FXN: variants seen among roughly 807,000 people sequenced by gnomAD.
FXN encodes the protein frataxin, also known as frataxin, mitochondrial.
A neutral mutation model predicts 22.4 loss-of-function variants in FXN; 14 were observed. The observed-to-expected ratio is 0.62, with a 90% CI of 0.41 to 0.98. The LOEUF is 0.98. Ranked by LOEUF, FXN falls within the 50% of genes least tolerant of loss-of-function variation. The pLI is 0.00. For synonymous variants in FXN, 120 were observed against 114.1 expected, an observed-to-expected ratio of 1.05 and a Z score of -0.33; for missense variants, 267 against 268.4, an observed-to-expected ratio of 0.99 and a Z score of 0.04.
intron 2 of FXN, among the ~76,000 whole-genome samples, chr9:69,051,493 T>C (rs1391631121): frequency 2.0e-5 from 3 of 152,182 alleles, no homozygotes; most frequent in Non-Finnish European, 2.9e-5. Context: ...CCAAAATGTC[T>C]TTCAGTAAGT....
intron 4 of FXN, among the ~76,000 whole-genome samples, chr9:69,066,269 A>G (rs1197651307): frequency 6.6e-6 from 1 of 152,228 alleles, no homozygotes; most frequent in East Asian, 1.9e-4. Context: ...CGGTATTTGC[A>G]TTTTTTAAAA....
intron 4 of FXN, among the ~76,000 whole-genome samples, chr9:69,068,164 A>G (rs1456342592): frequency 1.3e-5 from 2 of 152,184 alleles, no homozygotes; most frequent in Non-Finnish European, 2.9e-5. Context: ...CCCTGAGAGG[A>G]TCGCATGTGG....
At position 69,076,572 on chromosome 9, in the gene FXN, T is replaced by C. The variant is rs1289780673; in HGVS notation, c.*3810T>C. 3 of 985,286 alleles carry C rather than the reference T, an allele frequency of 3.0e-6. No homozygotes were observed. The highest frequency in any genetic ancestry group is 3.6e-6 in the Non-Finnish European group (3 of 829,932). The allele number at this position is 985,286 out of a possible 1,614,324, so 61.0% of individuals were successfully genotyped here. A position where few individuals can be genotyped will look rare whatever the true frequency, so the allele number is the denominator to read the frequency against. The stretch of plus-strand genomic sequence containing the variant: ...TTGACAGTTTGCATTAAATTATAGG[T>C]TTACAATATGCTTTATCCAGCTATA... On this transcript the variant is annotated 3_prime_UTR_variant, in exon 5 of 5. Transcript: ENST00000484259.
At chr9:69,037,284 A>AAAAAAAAAAAAAAAAG (rs544093183) in intron 1 of FXN, among the ~76,000 whole-genome samples, 1 of 78,060 alleles carries the variant, frequency 1.3e-5, no homozygotes, top group African/African-American at 4.7e-5. Context: ...AAAAAAAAAA[A>AAAAAAAAAAAAAAAAG]AAGAAGAAGA....
intron 3 of FXN, among the ~76,000 whole-genome samples, chr9:69,058,378 G>C (rs1228372592): frequency 2.0e-5 from 3 of 151,002 alleles, no homozygotes; most frequent in Non-Finnish European, 4.4e-5. Context: ...ACTACCTGAA[G>C]TTACCTCCAG....
At position 69,053,205 on chromosome 9, in the gene FXN, T is replaced by C. The variant is rs1831885938; in HGVS notation, c.329T>C (p.Phe110Ser). The change falls in exon 3 of 5, where the codon TTT becomes TCT. Residue 110 changes from phenylalanine (F) to serine (S), a missense_variant. Coordinates refer to ENST00000484259, the MANE Select transcript of FXN (RefSeq NM_000144.5). ...EETLDSLAEF[F>S]EDLADKPYTF... ...ACGCTGGACTCTTTAGCAGAGTTTTTTGAAGACCTTGCAGACAAGCCATAC... is the reference window on the plus strand; with the variant it reads ...ACGCTGGACTCTTTAGCAGAGTTTTCTGAAGACCTTGCAGACAAGCCATAC... 1.2e-6 allele frequency: 2 copies of C among 1,613,880 alleles called. No individual in the cohort carries two copies. Among genetic ancestry groups the C allele is most frequent in the Admixed American group, 1.7e-5 (1 of 59,978 alleles).
At chr9:69,048,069 C>T (rs1297676659) in intron 2 of FXN, among the ~76,000 whole-genome samples, 1 of 152,144 alleles carries the variant, frequency 6.6e-6, no homozygotes, top group Non-Finnish European at 1.5e-5. Context: ...GGCTTCTGAG[C>T]TATTCACTTT....
intron 3 of FXN, among the ~76,000 whole-genome samples, chr9:69,058,660 A>T (rs891042399): frequency 1.3e-5 from 2 of 152,148 alleles, no homozygotes; most frequent in African/African-American, 2.4e-5. Context: ...AATGATTCAT[A>T]AATCGGGAAG....
rs557830508 is a variant in FXN, at chr9:69,046,405, C to T, written c.186C>T (p.Leu62=). 11 of 1,614,098 alleles carry T rather than the reference C, an allele frequency of 6.8e-6. No individual in the cohort carries two copies. The East Asian group carries it at 2.0e-4, about 29-fold the overall frequency. The change falls in exon 2 of 5, where the codon CTC becomes CTT. Residue 62 remains leucine (L), a synonymous_variant. Transcript: ENST00000484259. Reference sequence around the variant, plus strand: ...TTCAGAGTTCGAACCAACGTGGCCTCAACCAGATTTGGAATGTCAAAAAGC... The same window carrying T: ...TTCAGAGTTCGAACCAACGTGGCCTTAACCAGATTTGGAATGTCAAAAAGC... The part of the protein sequence containing the change: ...PRRASSNQRG[L]NQIWNVKKQS...
intron 3 of FXN, among the ~76,000 whole-genome samples, chr9:69,063,961 GGCATGAGC>G (rs1564337642): frequency 6.6e-5 from 10 of 152,184 alleles, no homozygotes; most frequent in Non-Finnish European, 4.4e-5. Context: ...TGGAATTTCA[GGCATGAGC>G]CATGCCTGGC....
chr9:69,066,925 G>C (rs1832175969), intron 4 of FXN, among the ~76,000 whole-genome samples: 1 of 151,952 alleles, frequency 6.6e-6, no homozygotes, highest in Non-Finnish European at 1.5e-5. Context: ...GACTGAAGAG[G>C]TGCCTTGGCC....
At chr9:69,036,115 C>T (rs534842570) in intron 1 of FXN, 168 bp downstream of exon 1, 4 of 427,938 alleles carry the variant, frequency 9.3e-6, no homozygotes, top group East Asian at 9.9e-5. Context: ...TTGCAACTCC[C>T]TTCTCTGGTT....
chr9:69,036,403 C>T (rs1172449453), intron 1 of FXN, among the ~76,000 whole-genome samples: 1 of 152,186 alleles, frequency 6.6e-6, no homozygotes, highest in Non-Finnish European at 1.5e-5. Context: ...TGTGTTTGCG[C>T]GCACGGGCGC....
chr9:69,067,331 G>A (rs1424719413), intron 4 of FXN, among the ~76,000 whole-genome samples: 2 of 152,270 alleles, frequency 1.3e-5, no homozygotes, highest in Admixed American at 6.5e-5. Context: ...GCGCGGGAGC[G>A]CCGTGTAGCT....
intron 3 of FXN, among the ~76,000 whole-genome samples, chr9:69,055,496 C>CTTTT: frequency 7.1e-6 from 1 of 140,554 alleles, no homozygotes; most frequent in African/African-American, 2.6e-5. Flanking sequence ...TCTTCTTCTT[C>CTTTT]TTTTTTTTTT....
chr9:69,047,350 GAC>G (rs148756619), intron 2 of FXN, among the ~76,000 whole-genome samples: 6,382 of 143,340 alleles, frequency 0.045, 162 homozygotes, highest in East Asian at 0.13. Flanking sequence ...CACACACACA[GAC>G]ACACACACAC....
intron 3 of FXN, among the ~76,000 whole-genome samples, chr9:69,062,711 G>C (rs1213356079): frequency 6.6e-6 from 1 of 151,974 alleles, no homozygotes; most frequent in Non-Finnish European, 1.5e-5. Flanking sequence ...AAGTAGACAG[G>C]TGGTTACTAA....
At chr9:69,071,265 T>C (rs9314854) in intron 4 of FXN, 258,961 of 518,638 alleles carry the variant, frequency 0.5, 66,774 homozygotes, top group African/African-American at 0.67. Flanking sequence ...GATGGTTTGG[T>C]TCACTCATTT....
intron 3 of FXN, among the ~76,000 whole-genome samples, chr9:69,058,092 A>G (rs557218395): frequency 6.6e-6 from 1 of 152,308 alleles, no homozygotes; most frequent in Non-Finnish European, 1.5e-5. Context: ...TAGACAAATG[A>G]AAGCAGTAAT....
Sources: gnomAD v4.1 joint callset for allele counts (sites outside exome capture counted in the v4.1 genomes callset) on GRCh38, gnomAD v4.1.1 for gene constraint, MANE v1.5 for transcripts, NCBI Gene and HGNC (gene_info 2026-07-23, HGNC 2026-07-21) for gene names.